The following SERGEF variants were observed in gnomAD, a reference collection of about 807,000 sequenced individuals.
SERGEF encodes secretion-regulating guanine nucleotide exchange factor.
SERGEF carries 51 observed loss-of-function variants against 50.0 expected under a neutral mutation model. The observed-to-expected ratio is 1.02, with a 90% CI of 0.81 to 1.29. The LOEUF is 1.29. Among genes scored for constraint, SERGEF ranks in the 50% most tolerant of loss-of-function variants. The pLI is 0.00. For synonymous variants in SERGEF, 205 were observed against 212.4 expected (o/e 0.97, Z 0.30); for missense variants, 521 against 557.0 (o/e 0.94, Z 0.65).
intron 9 of SERGEF, among the ~76,000 whole-genome samples, chr11:17,947,703 T>A (rs1474871302): frequency 1.3e-5 from 2 of 152,244 alleles, no homozygotes; most frequent in African/African-American, 4.8e-5. Context: ...TAGTCCACAC[T>A]GCTGCCACTA....
intron 9 of SERGEF, among the ~76,000 whole-genome samples, chr11:17,911,656 T>C (rs1483760215): frequency 1.3e-5 from 2 of 151,812 alleles, no homozygotes; most frequent in African/African-American, 4.8e-5. Context: ...CCCAGCTAAT[T>C]TTTGTATTTT....
At chr11:17,894,881 C>T (rs189640829) in intron 9 of SERGEF, among the ~76,000 whole-genome samples, 1 of 152,316 alleles carries the variant, frequency 6.6e-6, no homozygotes, top group Admixed American at 6.5e-5. Context: ...AGAATGGCCT[C>T]CCAAAACATC....
intron 10 of SERGEF, among the ~76,000 whole-genome samples, chr11:17,868,916 C>G (rs977480429): frequency 1.4e-4 from 21 of 152,132 alleles, no homozygotes; most frequent in African/African-American, 5.1e-4. Context: ...TTACCTCCCA[C>G]AAGGTCACTC....
At chr11:17,898,640 T>A (rs887436581) in intron 9 of SERGEF, among the ~76,000 whole-genome samples, 1 of 152,038 alleles carries the variant, frequency 6.6e-6, no homozygotes, top group Non-Finnish European at 1.5e-5. Context: ...AAAACGTTTT[T>A]CCCCCAGACC....
At chr11:18,000,680 C>T in intron 4 of SERGEF, 123 bp from the exon 5 acceptor site, 1 of 748,338 alleles carries the variant, frequency 1.3e-6, no homozygotes, top group Non-Finnish European at 2.4e-6. Flanking sequence ...AAAGCAACCA[C>T]TCCCCCCAAT....
chr11:17,937,130 A>G (rs1728875720), intron 9 of SERGEF, among the ~76,000 whole-genome samples: 1 of 152,020 alleles, frequency 6.6e-6, no homozygotes, highest in Non-Finnish European at 1.5e-5. Flanking sequence ...AATAATATAG[A>G]TAAATGTTCC....
intron 10 of SERGEF, among the ~76,000 whole-genome samples, chr11:17,793,675 C>T (rs1849523891): frequency 6.6e-6 from 1 of 152,236 alleles, no homozygotes; most frequent in Non-Finnish European, 1.5e-5. Context: ...GTGCTTGGCA[C>T]TTGTCAGGTC....
rs138841827 is a variant in SERGEF at position 18,003,447 on chromosome 11, G to T, written c.447+994C>A. 4.7e-3 allele frequency among the ~76,000 whole-genome samples: 719 copies of T among 152,318 alleles called. 8 individuals are homozygous for T. The highest frequency in any genetic ancestry group is 0.016 in the African/African-American group (667 of 41,570). On this transcript the variant is annotated intron_variant, in intron 4 of 10. Coordinates refer to ENST00000265965, the MANE Select transcript of SERGEF (RefSeq NM_012139.4). ...CACATAGCTCTTGAAAACTTGAAAT[G>T]TGATTACACTAAACTGAGACATATT...
At chr11:17,858,153 G>A (rs1850859628) in intron 10 of SERGEF, among the ~76,000 whole-genome samples, 1 of 152,162 alleles carries the variant, frequency 6.6e-6, no homozygotes. Context: ...AATCAGAGGC[G>A]TTGCCTGAAA....
At chr11:18,000,648 T>C in intron 4 of SERGEF, 91 bp from the exon 5 acceptor site, 1 of 910,150 alleles carries the variant, frequency 1.1e-6, no homozygotes, top group South Asian at 1.4e-5. Context: ...AGTACGGTCC[T>C]CATTATGGGT....
intron 9 of SERGEF, among the ~76,000 whole-genome samples, chr11:17,928,757 A>G (rs1490578960): frequency 6.6e-6 from 1 of 152,114 alleles, no homozygotes; most frequent in Non-Finnish European, 1.5e-5. Flanking sequence ...GAAGACCCCA[A>G]GGGGTCTAGG....
chr11:17,953,957 T>A (rs1266858120), intron 9 of SERGEF, among the ~76,000 whole-genome samples: 1 of 152,224 alleles, frequency 6.6e-6, no homozygotes, highest in East Asian at 1.9e-4. Context: ...ACAGCACAGA[T>A]GTGCTAGATT....
chr11:17,961,889 T>C (rs1853006914), intron 8 of SERGEF, among the ~76,000 whole-genome samples: 1 of 152,236 alleles, frequency 6.6e-6, no homozygotes, highest in African/African-American at 2.4e-5. Context: ...TTTTTCCTTT[T>C]CTTTTAAACA....
chr11:17,903,451 A>T (rs1310161013), intron 9 of SERGEF, among the ~76,000 whole-genome samples: 1 of 152,224 alleles, frequency 6.6e-6, no homozygotes, highest in East Asian at 1.9e-4. Context: ...AGAAATGACA[A>T]GAAAGAAGAT....
intron 10 of SERGEF, among the ~76,000 whole-genome samples, chr11:17,824,726 A>G (rs1243585786): frequency 6.6e-6 from 1 of 152,114 alleles, no homozygotes; most frequent in East Asian, 1.9e-4. Context: ...AGGGAGAGCA[A>G]TTCCTAGTGT....
chr11:17,918,950 T>A (rs1280047437), intron 9 of SERGEF, among the ~76,000 whole-genome samples: 3 of 152,166 alleles, frequency 2.0e-5, no homozygotes, highest in Non-Finnish European at 4.4e-5. Flanking sequence ...AAACTAGAAA[T>A]GCAGGACTGT....
chr11:17,857,939 G>T (rs1319617903), intron 10 of SERGEF, among the ~76,000 whole-genome samples: 2 of 152,180 alleles, frequency 1.3e-5, no homozygotes, highest in Non-Finnish European at 2.9e-5. Context: ...AGGAATAGAA[G>T]AAGAAACAAG....
intron 10 of SERGEF, among the ~76,000 whole-genome samples, chr11:17,806,639 C>A (rs1849761233): frequency 6.6e-6 from 1 of 152,130 alleles, no homozygotes; most frequent in Non-Finnish European, 1.5e-5. Flanking sequence ...TGTAGAGATT[C>A]AATTATTCTA....
At chr11:17,869,470 C>T (rs1851095274) in intron 10 of SERGEF, among the ~76,000 whole-genome samples, 1 of 152,142 alleles carries the variant, frequency 6.6e-6, no homozygotes, top group South Asian at 2.1e-4. Context: ...ATAAATAATA[C>T]AAGTTCTGGA....
Sources: gnomAD v4.1 joint callset for allele counts (sites outside exome capture counted in the v4.1 genomes callset) on GRCh38, gnomAD v4.1.1 for gene constraint, MANE v1.5 for transcripts, NCBI Gene and HGNC (gene_info 2026-07-23, HGNC 2026-07-21) for gene names.